The following COL25A1 variants were observed in gnomAD, a reference collection of about 807,000 sequenced individuals.
COL25A1 encodes collagen alpha-1(XXV) chain.
Under a neutral mutation model 128.4 loss-of-function variants are expected in COL25A1, and 103 were observed. The observed-to-expected ratio is 0.80, with a 90% CI of 0.68 to 0.94. COL25A1 has a LOEUF of 0.94. Ranked by LOEUF, COL25A1 falls within the 40% of genes least tolerant of loss-of-function variation. COL25A1 has a pLI of 0.00. For missense variants in COL25A1, 745 were observed against 840.0 expected, an observed-to-expected ratio of 0.89 and a Z score of 1.40; for synonymous variants, 279 against 277.2, an observed-to-expected ratio of 1.01 and a Z score of -0.06.
intron 2 of COL25A1, 113 bp downstream of exon 2, chr4:109,301,608 GCA>G (rs748902280): frequency 9.3e-6 from 11 of 1,176,718 alleles, no homozygotes; most frequent in South Asian, 1.4e-5. Flanking sequence ...GCACGCGCGC[GCA>G]CACACACAGC....
At chr4:108,940,670 C>T in intron 9 of COL25A1, 24 bp from the exon 10 acceptor site, 1 of 1,443,866 alleles carries the variant, frequency 6.9e-7, no homozygotes, top group South Asian at 1.3e-5. Flanking sequence ...GGGAACAGAC[C>T]AGCAATAACC....
chr4:109,220,970 A>C (rs1409002305), intron 3 of COL25A1, among the ~76,000 whole-genome samples: 1 of 152,136 alleles, frequency 6.6e-6, no homozygotes, highest in Non-Finnish European at 1.5e-5. Flanking sequence ...AGACTGAATA[A>C]TGTGGAAACT....
intron 31 of COL25A1, chr4:108,834,214 C>T: frequency 2.4e-6 from 2 of 846,944 alleles, no homozygotes; most frequent in Non-Finnish European, 3.7e-6. Flanking sequence ...TTGCCGCCAT[C>T]TTTGTCCACC....
At chr4:108,861,365 C>A (rs1560764835) in intron 22 of COL25A1, among the ~76,000 whole-genome samples, 1 of 152,110 alleles carries the variant, frequency 6.6e-6, no homozygotes. Flanking sequence ...ATTGTTTTTC[C>A]TCTGAGAAGA....
chr4:109,207,169 A>G (rs1248475564), intron 3 of COL25A1, among the ~76,000 whole-genome samples: 1 of 152,138 alleles, frequency 6.6e-6, no homozygotes, highest in East Asian at 1.9e-4. Context: ...TTAGGGGAAG[A>G]GCCAAATGTT....
intron 11 of COL25A1, among the ~76,000 whole-genome samples, chr4:108,925,700 C>G (rs933124361): frequency 6.6e-6 from 1 of 152,120 alleles, no homozygotes; most frequent in African/African-American, 2.4e-5. Context: ...AATAGTGTCT[C>G]AACACAGAAA....
intron 35 of COL25A1, among the ~76,000 whole-genome samples, chr4:108,819,576 A>T (rs1731578052): frequency 6.6e-6 from 1 of 152,170 alleles, no homozygotes; most frequent in Non-Finnish European, 1.5e-5. Context: ...CGGATCTTAC[A>T]TTCAGGTTCC....
At chr4:108,971,922 T>C (rs993581429) in intron 8 of COL25A1, among the ~76,000 whole-genome samples, 4 of 152,224 alleles carry the variant, frequency 2.6e-5, no homozygotes, top group Non-Finnish European at 5.9e-5. Flanking sequence ...ATCTTAAAGA[T>C]GGTAGCTGCT....
chr4:109,295,934 A>G (rs1236572571), intron 3 of COL25A1, among the ~76,000 whole-genome samples: 1 of 152,062 alleles, frequency 6.6e-6, no homozygotes, highest in Non-Finnish European at 1.5e-5. Flanking sequence ...AAACTCTCCA[A>G]GCAAATGACT....
Position 108,832,431 on chromosome 4 carries a change from A to G in COL25A1, c.1659T>C (p.Gly553=). Residue 553 remains glycine (G), a splice_region_variant and synonymous_variant, in exon 32 of 38, where the codon GGT becomes GGC. Coordinates refer to ENST00000399132, the MANE Select transcript of COL25A1 (RefSeq NM_198721.4). ...MGPHGLPGPK[G]TDGPMGPHGP... is the part of the protein sequence containing the mutation. Reference sequence around the variant, plus strand: ...CATGGGGTCCCATAGGACCATCTGTACCCTAAAAAAAAGATAATATGAGAT... The same window carrying G: ...CATGGGGTCCCATAGGACCATCTGTGCCCTAAAAAAAAGATAATATGAGAT... 1 of 1,597,786 alleles carries G rather than the reference A, an allele frequency of 6.3e-7. No homozygotes were observed. Among genetic ancestry groups the G allele is most frequent in the Non-Finnish European group, 8.5e-7 (1 of 1,170,490 alleles).
intron 3 of COL25A1, among the ~76,000 whole-genome samples, chr4:109,190,093 C>A (rs1327658264): frequency 6.6e-6 from 1 of 151,686 alleles, no homozygotes; most frequent in African/African-American, 2.4e-5. Flanking sequence ...ATGATATGTC[C>A]TCTAAAAATG....
rs561043648 is a variant in COL25A1, at chr4:109,089,536, A to G, written c.368-39357T>C. Reference sequence around the variant, plus strand: ...TTCAGTTCCTGTTTGAATGATTACAAATTATGAGATCAGATCTACTTGAGG... The same window carrying G: ...TTCAGTTCCTGTTTGAATGATTACAGATTATGAGATCAGATCTACTTGAGG... On this transcript the variant is annotated intron_variant, in intron 3 of 37. Transcript: ENST00000399132. 2.0e-5 allele frequency among the ~76,000 whole-genome samples: 3 copies of G among 152,338 alleles called. No individual in the cohort carries two copies. In the South Asian group the frequency reaches 6.2e-4, roughly 32 times the overall value.
intron 3 of COL25A1, among the ~76,000 whole-genome samples, chr4:109,072,677 G>C (rs1298667567): frequency 1.3e-5 from 2 of 152,138 alleles, no homozygotes; most frequent in Non-Finnish European, 2.9e-5. Context: ...CCTTCTGCAA[G>C]TTTTCTGTTT....
chr4:109,238,759 T>C (rs1011518418), intron 3 of COL25A1, among the ~76,000 whole-genome samples: 8 of 152,082 alleles, frequency 5.3e-5, no homozygotes, highest in African/African-American at 1.9e-4. Flanking sequence ...TCCCCATTCC[T>C]AGCCCATTCT....
chr4:108,938,362 C>T (rs533080849), intron 10 of COL25A1, among the ~76,000 whole-genome samples: 2 of 152,016 alleles, frequency 1.3e-5, no homozygotes, highest in African/African-American at 2.4e-5. Flanking sequence ...TCTTAAATTG[C>T]CAATAAATAT....
At chr4:109,020,442 T>C (rs763676766) in intron 5 of COL25A1, among the ~76,000 whole-genome samples, 6 of 144,350 alleles carry the variant, frequency 4.2e-5, no homozygotes, top group Non-Finnish European at 4.5e-5. Flanking sequence ...TAAAACCTGG[T>C]GGATATTTCT....
At chr4:109,140,743 T>C (rs377349434) in intron 3 of COL25A1, among the ~76,000 whole-genome samples, 7 of 152,198 alleles carry the variant, frequency 4.6e-5, no homozygotes, top group South Asian at 2.1e-4. Context: ...TTGCCTATTA[T>C]TGGTGTATAG....
chr4:109,297,025 C>T (rs1308518168), intron 3 of COL25A1, among the ~76,000 whole-genome samples: 3 of 152,120 alleles, frequency 2.0e-5, no homozygotes, highest in Admixed American at 2.0e-4. Context: ...GGCCAAGCCA[C>T]AGATGCCAGC....
intron 6 of COL25A1, among the ~76,000 whole-genome samples, chr4:109,004,706 G>A (rs1269124323): frequency 6.6e-6 from 1 of 152,100 alleles, no homozygotes; most frequent in African/African-American, 2.4e-5. Flanking sequence ...CATGTGACGT[G>A]CCTGCTCCCC....
Sources: allele counts gnomAD v4.1 joint callset (sites outside exome capture counted in the v4.1 genomes callset), GRCh38; gene constraint gnomAD v4.1.1; transcripts MANE v1.5; gene names NCBI Gene and HGNC (gene_info 2026-07-23, HGNC 2026-07-21).